The following SRD5A2 variants were observed in gnomAD, a reference collection of about 807,000 sequenced individuals.
The protein encoded by SRD5A2 is steroid 5 alpha-reductase 2.
In SRD5A2, 30 loss-of-function variants were observed where a neutral mutation model predicts 27.4. The ratio of observed to expected loss-of-function variants is 1.10; its 90% CI spans 0.82 to 1.49. The LOEUF (loss-of-function observed/expected upper bound fraction) is 1.49, where lower values mean the gene tolerates loss of function less well. Among genes scored for constraint, SRD5A2 ranks in the 40% most tolerant of loss-of-function variants. The probability of loss-of-function intolerance (pLI) is 0.00; values close to 1 mark genes in which losing one functional copy is unlikely to be tolerated. For missense variants in SRD5A2, 348 were observed against 323.4 expected (o/e 1.08, Z -0.58); for synonymous variants, 141 against 133.6 (o/e 1.06, Z -0.38).
chr2:31,586,191 C>T, the SRD5A2 span, among the ~76,000 whole-genome samples: 1 of 152,242 alleles, frequency 6.6e-6, no homozygotes, highest in African/African-American at 2.4e-5. Context: ...TTATCCCCTA[C>T]TCCCCTCTCA....
At chr2:31,584,028 G>C (rs1248661238), upstream of SRD5A2, among the ~76,000 whole-genome samples, 1 of 152,162 alleles carries the variant, frequency 6.6e-6, no homozygotes, top group Admixed American at 6.5e-5. Context: ...GGGTACAGCG[G>C]CTGTCTTTAC....
chr2:31,620,920 TTA>T, the SRD5A2 span, among the ~76,000 whole-genome samples: 10 of 146,864 alleles, frequency 6.8e-5, no homozygotes, highest in Admixed American at 1.4e-4. Flanking sequence ...CCCTTAAAAA[TTA>T]TATATATATA....
At chr2:31,617,030 G>A in the SRD5A2 span, among the ~76,000 whole-genome samples, 1 of 152,086 alleles carries the variant, frequency 6.6e-6, no homozygotes, top group African/African-American at 2.4e-5. Context: ...ATAAGGGGAA[G>A]CTCCTTTCCT....
Position 31,535,349 on chromosome 2 carries a change from A to G in SRD5A2, c.282-1583T>C, listed in dbSNP as rs140032499. ...CAAATTTTATAAACATAAAACATCA[A>G]GGTGGTATTGAAGACCTGCACTTTC... On this transcript the variant is annotated intron_variant, in intron 1 of 4. Transcript: ENST00000622030. Among the ~76,000 whole-genome samples, 857 of 152,248 alleles carry G rather than the reference A, an allele frequency of 5.6e-3. 6 individuals are homozygous for G. The highest frequency in any genetic ancestry group is 0.019 in the African/African-American group (793 of 41,540).
In SRD5A2 at chr2:31,526,240, C is replaced by A. The variant is rs983836769; in HGVS notation, c.721G>T (p.Asp241Tyr). ...HHRFYLKMFE[D>Y]YPKSRKALIP... is the part of the protein sequence containing the mutation. The stretch of plus-strand genomic sequence containing the variant: ...AGGGCTTTCCGAGATTTGGGGTAGT[C>A]CTCAAACATCTTGAGGTAGAACCTA... The change falls in exon 5 of 5, where the codon GAC becomes TAC. Residue 241 changes from aspartate (D) to tyrosine (Y), a missense_variant. Physicochemically the swap from Asp to Tyr is radical, Grantham distance 160. Coordinates refer to ENST00000622030, the MANE Select transcript of SRD5A2 (RefSeq NM_000348.4). 6.3e-7 allele frequency: 1 copy of A among 1,588,148 alleles called. No homozygotes were observed. The highest frequency in any genetic ancestry group is 8.6e-7 in the Non-Finnish European group (1 of 1,165,588).
intron 1 of SRD5A2, among the ~76,000 whole-genome samples, chr2:31,541,885 T>C (rs1666136719): frequency 6.6e-6 from 1 of 152,138 alleles, no homozygotes; most frequent in Non-Finnish European, 1.5e-5. Context: ...ACAGGGAGCA[T>C]ATAGATCAGC....
the SRD5A2 span, among the ~76,000 whole-genome samples, chr2:31,661,648 T>A: frequency 2.0e-5 from 3 of 152,186 alleles, no homozygotes; most frequent in Admixed American, 6.6e-5. Flanking sequence ...CTTACGTTAT[T>A]TAGTTTTCCG....
the SRD5A2 span, among the ~76,000 whole-genome samples, chr2:31,623,730 G>T: frequency 6.6e-6 from 1 of 152,032 alleles, no homozygotes; most frequent in African/African-American, 2.4e-5. Flanking sequence ...TATGATGTTG[G>T]CTGTGGGTTT....
chr2:31,618,949 C>T, the SRD5A2 span, among the ~76,000 whole-genome samples: 1 of 152,102 alleles, frequency 6.6e-6, no homozygotes, highest in Non-Finnish European at 1.5e-5. Context: ...GATAAATCTA[C>T]ATAATTATTA....
the SRD5A2 span, among the ~76,000 whole-genome samples, chr2:31,589,791 G>A: frequency 6.6e-6 from 1 of 152,152 alleles, no homozygotes; most frequent in Non-Finnish European, 1.5e-5. Flanking sequence ...AGAAGCTGCA[G>A]CTGAAGGGAA....
intron 1 of SRD5A2, among the ~76,000 whole-genome samples, chr2:31,547,138 T>A (rs927280988): frequency 2.0e-5 from 3 of 151,916 alleles, no homozygotes; most frequent in African/African-American, 7.3e-5. Context: ...AAAATAAAAG[T>A]CTAAAAGGCA....
At chr2:31,617,881 C>A in the SRD5A2 span, among the ~76,000 whole-genome samples, 1 of 152,216 alleles carries the variant, frequency 6.6e-6, no homozygotes, top group Admixed American at 6.5e-5. Context: ...GCCCTCCAAA[C>A]TATTTCAATC....
At chr2:31,626,821 T>A in the SRD5A2 span, among the ~76,000 whole-genome samples, 2 of 152,180 alleles carry the variant, frequency 1.3e-5, no homozygotes, top group East Asian at 3.8e-4. Context: ...AATTCTATTT[T>A]TTTTTGACGT....
the SRD5A2 span, among the ~76,000 whole-genome samples, chr2:31,657,312 A>C: frequency 3.9e-5 from 6 of 152,344 alleles, no homozygotes; most frequent in African/African-American, 7.2e-5. Context: ...CCATACATCT[A>C]AAATTAAAAG....
At chr2:31,606,608 C>G in the SRD5A2 span, among the ~76,000 whole-genome samples, 2 of 151,808 alleles carry the variant, frequency 1.3e-5, no homozygotes, top group African/African-American at 4.8e-5. Context: ...CAGTGTCTAG[C>G]ATTTTTAGTA....
At chr2:31,598,493 A>T in the SRD5A2 span, among the ~76,000 whole-genome samples, 1 of 151,968 alleles carries the variant, frequency 6.6e-6, no homozygotes, top group Non-Finnish European at 1.5e-5. Context: ...GTACAATAAG[A>T]TAAAAACAAA....
the SRD5A2 span, among the ~76,000 whole-genome samples, chr2:31,653,595 G>A: frequency 6.6e-6 from 1 of 152,176 alleles, no homozygotes; most frequent in African/African-American, 2.4e-5. Flanking sequence ...AAGTCAAGGT[G>A]TCACCCTTTG....
chr2:31,590,246 C>T, the SRD5A2 span, among the ~76,000 whole-genome samples: 1 of 151,772 alleles, frequency 6.6e-6, no homozygotes, highest in African/African-American at 2.4e-5. Context: ...TGGCCCCGCT[C>T]ATCACCTGAG....
chr2:31,601,133 G>C, the SRD5A2 span, among the ~76,000 whole-genome samples: 5 of 151,852 alleles, frequency 3.3e-5, no homozygotes, highest in African/African-American at 1.2e-4. Context: ...AACCAATCTA[G>C]AAGCTGGCTT....
Sources: allele counts gnomAD v4.1 joint callset (sites outside exome capture counted in the v4.1 genomes callset), GRCh38; gene constraint gnomAD v4.1.1; transcripts MANE v1.5; gene names NCBI Gene and HGNC (gene_info 2026-07-23, HGNC 2026-07-21).